Variants in ACSL3 observed in about 807,000 individuals in gnomAD.
The protein encoded by ACSL3 is fatty acid CoA ligase Acsl3.
Under a neutral mutation model 84.7 loss-of-function variants are expected in ACSL3, and 34 were observed. The observed-to-expected ratio is 0.40, with a 90% CI of 0.31 to 0.53. The LOEUF is 0.53. Ranked by LOEUF, ACSL3 falls within the 20% of genes least tolerant of loss-of-function variation. ACSL3 has a pLI of 0.48. For synonymous variants in ACSL3, 315 were observed against 299.4 expected, an observed-to-expected ratio of 1.05 and a Z score of -0.54; for missense variants, 680 against 873.1, an observed-to-expected ratio of 0.78 and a Z score of 2.79.
chr2:222,882,518 G>A (rs902449765), intron 1 of ACSL3, among the ~76,000 whole-genome samples: 1 of 152,168 alleles, frequency 6.6e-6, no homozygotes, highest in African/African-American at 2.4e-5. Flanking sequence ...CTCCACCTCA[G>A]ATCATCAGGC....
intron 3 of ACSL3, among the ~76,000 whole-genome samples, chr2:222,907,162 C>T (rs1004761497): frequency 1.3e-5 from 2 of 152,170 alleles, no homozygotes; most frequent in African/African-American, 4.8e-5. Context: ...CTGTTTGGAG[C>T]TTCTTGGCCT....
chr2:222,883,887 A>G (rs1359177817), intron 1 of ACSL3, among the ~76,000 whole-genome samples: 2 of 152,126 alleles, frequency 1.3e-5, no homozygotes, highest in African/African-American at 2.4e-5. Context: ...TTCAGCTGCT[A>G]TTAATTTCAA....
At chr2:222,900,923 C>A (rs1175886174) in intron 3 of ACSL3, 143 bp downstream of exon 3, 7 of 152,204 alleles carry the variant, frequency 4.6e-5, no homozygotes, top group African/African-American at 1.7e-4. Flanking sequence ...TCAAAGGGCA[C>A]AACAGTTCAA....
intron 1 of ACSL3, among the ~76,000 whole-genome samples, chr2:222,887,551 A>G (rs1695753146): frequency 6.6e-6 from 1 of 152,140 alleles, no homozygotes; most frequent in Admixed American, 6.6e-5. Context: ...AATGAATGAG[A>G]GTTGCTCCAC....
chr2:222,918,944 CTTCT>C (rs1696656501), intron 6 of ACSL3, 116 bp from the exon 7 acceptor site: 3 of 1,207,396 alleles, frequency 2.5e-6, no homozygotes, highest in African/African-American at 1.5e-5. Flanking sequence ...TGTACCCTTT[CTTCT>C]TTCTTTTTTG....
chr2:222,902,660 G>T (rs190040207), intron 3 of ACSL3, among the ~76,000 whole-genome samples: 51 of 152,304 alleles, frequency 3.3e-4, no homozygotes, highest in African/African-American at 1.2e-3. Flanking sequence ...AGGATGAGGA[G>T]GGCGGAATTT....
At chr2:222,914,823 C>G (rs930263944) in intron 4 of ACSL3, among the ~76,000 whole-genome samples, 1 of 152,106 alleles carries the variant, frequency 6.6e-6, no homozygotes, top group Non-Finnish European at 1.5e-5. Context: ...GTAGTGTCCT[C>G]TAAATGTAAT....
intron 16 of ACSL3, among the ~76,000 whole-genome samples, chr2:222,938,730 T>C (rs1697233577): frequency 1.3e-5 from 2 of 152,174 alleles, no homozygotes; most frequent in South Asian, 4.1e-4. Flanking sequence ...TCTGCTCCTT[T>C]CTGTCTTCTT....
At position 222,916,325 on chromosome 2, in the gene ACSL3, C is replaced by G. The variant is rs767939628; in HGVS notation, c.385C>G (p.Leu129Val). 4 of 1,599,242 alleles carry G rather than the reference C, an allele frequency of 2.5e-6. No individual in the cohort carries two copies. The highest frequency in any genetic ancestry group is 2.6e-6 in the Non-Finnish European group (3 of 1,173,016). The change falls in exon 5 of 17, where the codon CTT becomes GTT. Residue 129 changes from leucine to valine, a missense_variant. By Grantham distance (32) the Leu-to-Val change is conservative. Transcript: ENST00000357430. ...TTTTTTTTTGTTTTATCAGGTTATTCTTGGACAGTATAATTGGCTTTCCTA... is the reference window on the plus strand; with the variant it reads ...TTTTTTTTTGTTTTATCAGGTTATTGTTGGACAGTATAATTGGCTTTCCTA... ...PNGKIFKKVI[L>V]GQYNWLSYED...
At chr2:222,940,887 C>T (rs1697287321) in intron 16 of ACSL3, among the ~76,000 whole-genome samples, 1 of 151,802 alleles carries the variant, frequency 6.6e-6, no homozygotes, top group African/African-American at 2.4e-5. Context: ...TATTAGATAC[C>T]TGTCTAAATG....
intron 4 of ACSL3, among the ~76,000 whole-genome samples, chr2:222,911,709 A>T (rs1339923783): frequency 1.3e-5 from 2 of 152,202 alleles, no homozygotes; most frequent in African/African-American, 2.4e-5. Flanking sequence ...GTGAATATGA[A>T]ATTTCTTCCT....
chr2:222,893,727 C>T (rs1243788352), intron 2 of ACSL3, among the ~76,000 whole-genome samples: 3 of 151,892 alleles, frequency 2.0e-5, no homozygotes, highest in Non-Finnish European at 4.4e-5. Flanking sequence ...CCTCTCCCTT[C>T]CCCCGCTTTC....
intron 2 of ACSL3, among the ~76,000 whole-genome samples, chr2:222,900,427 G>A (rs963050776): frequency 6.6e-6 from 1 of 151,930 alleles, no homozygotes; most frequent in Non-Finnish European, 1.5e-5. Flanking sequence ...TCTCTTTATG[G>A]CTCCAAAATG....
intron 9 of ACSL3, 54 bp from the exon 10 acceptor site, chr2:222,923,024 T>C: frequency 6.8e-7 from 1 of 1,466,092 alleles, no homozygotes. Context: ...AGAATACCAT[T>C]GAATTTTAAA....
chr2:222,940,515 G>A (rs1697275307), intron 16 of ACSL3, among the ~76,000 whole-genome samples: 1 of 148,458 alleles, frequency 6.7e-6, no homozygotes, highest in Non-Finnish European at 1.5e-5. Context: ...AGGCATTTAT[G>A]CAGCATATAA....
At chr2:222,939,698 C>T (rs1354539113) in intron 16 of ACSL3, among the ~76,000 whole-genome samples, 2 of 152,146 alleles carry the variant, frequency 1.3e-5, no homozygotes, top group African/African-American at 4.8e-5. Context: ...TTTCTACCAG[C>T]CTTTGATGCG....
chr2:222,929,022 A>G (rs1350418932), intron 13 of ACSL3, 86 bp downstream of exon 13: 9 of 1,086,420 alleles, frequency 8.3e-6, no homozygotes, highest in Non-Finnish European at 1.3e-5. Flanking sequence ...TTTAGAATGT[A>G]AACACCCATA....
intron 7 of ACSL3, 104 bp from the exon 8 acceptor site, chr2:222,921,176 A>T (rs1355658524): frequency 1.5e-6 from 2 of 1,309,736 alleles, no homozygotes; most frequent in East Asian, 2.3e-5. Context: ...GAGTTAAATT[A>T]ACTCAATTTG....
intron 3 of ACSL3, among the ~76,000 whole-genome samples, chr2:222,908,259 C>T (rs967856273): frequency 1.3e-5 from 2 of 152,162 alleles, no homozygotes; most frequent in Non-Finnish European, 2.9e-5. Context: ...TTGCAAACTC[C>T]AGTTGCTTGT....
Sources: allele counts gnomAD v4.1 joint callset (sites outside exome capture counted in the v4.1 genomes callset), GRCh38; gene constraint gnomAD v4.1.1; transcripts MANE v1.5; gene names NCBI Gene and HGNC (gene_info 2026-07-23, HGNC 2026-07-21).